ABCG2: variants seen among roughly 807,000 people sequenced by gnomAD.
The protein encoded by ABCG2 is ATP binding cassette subfamily G member 2 (JR blood group).
Under a neutral mutation model 73.5 loss-of-function variants are expected in ABCG2, and 80 were observed. That is an observed-to-expected ratio of 1.09 (90% CI 0.91 to 1.31). The LOEUF is 1.31. Among genes scored for constraint, ABCG2 ranks in the 50% most tolerant of loss-of-function variants. The pLI, the probability that ABCG2 is intolerant of heterozygous loss-of-function variation, is 0.00. For missense variants in ABCG2, 796 were observed against 786.2 expected, an observed-to-expected ratio of 1.01 and a Z score of -0.15; for synonymous variants, 269 against 282.4, an observed-to-expected ratio of 0.95 and a Z score of 0.48.
At chr4:88,117,905 AG>A in intron 7 of ABCG2, among the ~76,000 whole-genome samples, 1 of 152,350 alleles carries the variant, frequency 6.6e-6, no homozygotes, top group South Asian at 2.1e-4. Context: ...CATTGAAATA[AG>A]ACAAGAAAGA....
At chr4:88,204,809 A>T (rs1466489313) in intron 1 of ABCG2, among the ~76,000 whole-genome samples, 1 of 152,228 alleles carries the variant, frequency 6.6e-6, no homozygotes, top group Non-Finnish European at 1.5e-5. Context: ...TCAGAGAAGG[A>T]TTAATTGTAT....
intron 1 of ABCG2, among the ~76,000 whole-genome samples, chr4:88,213,706 CAG>C (rs1231387500): frequency 4.6e-5 from 7 of 151,930 alleles, no homozygotes; most frequent in Admixed American, 1.3e-4. Context: ...GTTTTTGAGA[CAG>C]AGTCTTGCTC....
chr4:88,165,297 A>T (rs1287961723), intron 1 of ABCG2, among the ~76,000 whole-genome samples: 3 of 152,178 alleles, frequency 2.0e-5, no homozygotes, highest in Non-Finnish European at 4.4e-5. Flanking sequence ...AGTATATTAC[A>T]TTTCTATGGG....
At chr4:88,231,321 T>C (rs1451157047) in exon 1 of ABCG2, 1 of 152,120 alleles carries the variant, frequency 6.6e-6, no homozygotes, top group Non-Finnish European at 1.5e-5. Flanking sequence ...GTTCCTTTTT[T>C]CTCCACTACT....
intron 13 of ABCG2, among the ~76,000 whole-genome samples, chr4:88,096,250 C>T (rs1359673712): frequency 6.6e-6 from 1 of 152,118 alleles, no homozygotes; most frequent in African/African-American, 2.4e-5. Context: ...GCCAGGAAGA[C>T]CTGCTGAAGA....
chr4:88,170,819 A>G (rs1350846243), intron 1 of ABCG2, among the ~76,000 whole-genome samples: 1 of 152,238 alleles, frequency 6.6e-6, no homozygotes, highest in Non-Finnish European at 1.5e-5. Flanking sequence ...AACGTTTTAG[A>G]AAGGTTAATC....
At position 88,131,068 on chromosome 4, in the gene ABCG2, T is replaced by C. The variant is rs1468947188; in HGVS notation, c.524A>G (p.Asp175Gly). The stretch of plus-strand genomic sequence containing the variant: ...TCAGTTTTTCCACATTACCTTGGAG[T>C]CTGCCACTTTATCCAGACCTAACTC... ...IQELGLDKVA[D>G]SKVGTQFIRG... Residue 175 changes from aspartate to glycine, a missense_variant, in exon 5 of 16, where the codon GAC (aspartate) becomes GGC (glycine). Physicochemically the swap from Asp to Gly is moderately conservative, Grantham distance 94. Coordinates refer to ENST00000237612, the MANE Select transcript of ABCG2 (RefSeq NM_004827.3). The C allele has an allele frequency of 5.0e-6, 8 of 1,613,936 alleles. No homozygotes were observed. The highest frequency in any genetic ancestry group is 2.2e-5 in the East Asian group (1 of 44,862).
chr4:88,192,387 G>A (rs1337389652), intron 1 of ABCG2, among the ~76,000 whole-genome samples: 1 of 151,996 alleles, frequency 6.6e-6, no homozygotes, highest in African/African-American at 2.4e-5. Context: ...TTTCAATGAA[G>A]CTATTTTCCC....
At chr4:88,158,682 A>AGCAC (rs1229640511), upstream of ABCG2, 1 of 456,086 alleles carries the variant, frequency 2.2e-6, no homozygotes, top group Non-Finnish European at 4.4e-6. Flanking sequence ...GAGTGGGCAC[A>AGCAC]GCACGCAGCC....
chr4:88,181,834 A>G (rs1402426411), intron 1 of ABCG2, among the ~76,000 whole-genome samples: 1 of 152,198 alleles, frequency 6.6e-6, no homozygotes, highest in African/African-American at 2.4e-5. Context: ...GCCAGAGAAA[A>G]TCACTTTCAC....
At chr4:88,228,632 C>G (rs769821804) in intron 1 of ABCG2, among the ~76,000 whole-genome samples, 5 of 152,202 alleles carry the variant, frequency 3.3e-5, no homozygotes, top group African/African-American at 4.8e-5. Flanking sequence ...GTCTGTCTGG[C>G]AGTGGTTCTG....
At chr4:88,123,448 C>A (rs896448386) in intron 5 of ABCG2, among the ~76,000 whole-genome samples, 1 of 152,000 alleles carries the variant, frequency 6.6e-6, no homozygotes, top group African/African-American at 2.4e-5. Context: ...ATTAGAATAA[C>A]CAGTTTATAG....
chr4:88,155,299 T>A (rs1330485751), intron 1 of ABCG2, among the ~76,000 whole-genome samples: 4 of 152,088 alleles, frequency 2.6e-5, no homozygotes, highest in Non-Finnish European at 5.9e-5. Context: ...CAGACACGAT[T>A]GGCAGGGAGA....
At chr4:88,192,554 G>C (rs1728732812) in intron 1 of ABCG2, among the ~76,000 whole-genome samples, 1 of 151,644 alleles carries the variant, frequency 6.6e-6, no homozygotes, top group African/African-American at 2.4e-5. Flanking sequence ...CGAGTAGCTG[G>C]AATTATAGGC....
At chr4:88,140,993 CAA>C (rs1398008907) in intron 1 of ABCG2, among the ~76,000 whole-genome samples, 1 of 152,028 alleles carries the variant, frequency 6.6e-6, no homozygotes, top group Non-Finnish European at 1.5e-5. Context: ...CAAAAGGCCT[CAA>C]AAAAGATTTA....
chr4:88,213,493 C>T (rs1729682155), intron 1 of ABCG2, among the ~76,000 whole-genome samples: 1 of 152,036 alleles, frequency 6.6e-6, no homozygotes, highest in South Asian at 2.1e-4. Context: ...AGAGGAACTG[C>T]CCATGTTACT....
chr4:88,175,399 G>A (rs905906833), intron 1 of ABCG2, among the ~76,000 whole-genome samples: 1 of 152,188 alleles, frequency 6.6e-6, no homozygotes, highest in East Asian at 1.9e-4. Context: ...TTACAAATGT[G>A]TAGTAGGCTA....
intron 13 of ABCG2, 21 bp from the exon 14 acceptor site, chr4:88,095,630 A>G (rs2231162): frequency 0.93 from 1,490,776 of 1,603,134 alleles, 701,211 homozygotes; most frequent in Non-Finnish European, 0.97. Context: ...CAAATACTAA[A>G]AGTCAGGCCT....
At chr4:88,150,586 C>T (rs1432479891) in intron 1 of ABCG2, among the ~76,000 whole-genome samples, 1 of 152,196 alleles carries the variant, frequency 6.6e-6, no homozygotes, top group Non-Finnish European at 1.5e-5. Flanking sequence ...CTTTTGGCTT[C>T]CCTGGGCCAC....
Sources: gnomAD v4.1 joint callset for allele counts (sites outside exome capture counted in the v4.1 genomes callset) on GRCh38, gnomAD v4.1.1 for gene constraint, MANE v1.5 for transcripts, NCBI Gene and HGNC (gene_info 2026-07-23, HGNC 2026-07-21) for gene names.